The following CYFIP1 variants were observed in gnomAD, a reference collection of about 807,000 sequenced individuals.
CYFIP1 encodes cytoplasmic FMR1 interacting protein 1, also known as cytoplasmic FMR1-interacting protein 1.
In CYFIP1, 58 loss-of-function variants were observed where a neutral mutation model predicts 163.5. That is an observed-to-expected ratio of 0.35 (90% CI 0.29 to 0.44). The LOEUF (loss-of-function observed/expected upper bound fraction) is 0.44. Among genes scored for constraint, CYFIP1 ranks in the 20% least tolerant of loss-of-function variants. The pLI is 1.00. For synonymous variants in CYFIP1, 663 were observed against 660.7 expected (o/e 1.00, Z -0.05); for missense variants, 1,338 against 1,653.8 (o/e 0.81, Z 3.31).
rs1342625858 is a variant in CYFIP1 at position 22,956,868 on chromosome 15, C to A, written c.-6-9577G>T. ...CAGCCAGCCCCTGGCCACGGAGGGA[C>A]CTTGTATTTTACCACATTAGAGGAT... On this transcript the variant is annotated intron_variant, in intron 1 of 30. Transcript: ENST00000617928. Among the ~76,000 whole-genome samples, 6 of 152,224 alleles carry A rather than the reference C, an allele frequency of 3.9e-5. No individual in the cohort carries two copies. The East Asian group carries it at 1.2e-3, about 29-fold the overall frequency.
At chr15:22,873,834 T>C in intron 28 of CYFIP1, 105 bp from the exon 29 acceptor site, 1 of 1,037,116 alleles carries the variant, frequency 9.6e-7, no homozygotes, top group Non-Finnish European at 1.4e-6. Flanking sequence ...CTCTGCTGCC[T>C]AGGCTGGAGT....
At chr15:22,920,389 ATG>A (rs2061134929) in intron 13 of CYFIP1, among the ~76,000 whole-genome samples, 1 of 152,180 alleles carries the variant, frequency 6.6e-6, no homozygotes, top group Admixed American at 6.5e-5. Flanking sequence ...AAGAACACAA[ATG>A]TGTTTCCCCA....
chr15:22,876,929 T>C (rs1545060), intron 26 of CYFIP1, among the ~76,000 whole-genome samples: 114,727 of 151,972 alleles, frequency 0.75, 43,572 homozygotes, highest in South Asian at 0.86. Context: ...CTAAGGGGTC[T>C]CTGACACTAT....
chr15:22,977,527 T>C (rs189995385), intron 1 of CYFIP1, among the ~76,000 whole-genome samples: 11 of 152,280 alleles, frequency 7.2e-5, no homozygotes, highest in African/African-American at 2.4e-4. Flanking sequence ...TAGTTAAAAC[T>C]TCACACTATA....
intron 23 of CYFIP1, among the ~76,000 whole-genome samples, chr15:22,885,017 G>C (rs2059892964): frequency 6.6e-6 from 1 of 152,008 alleles, no homozygotes; most frequent in African/African-American, 2.4e-5. Context: ...GGCAGGCCCT[G>C]GGCCCAGCCA....
intron 9 of CYFIP1, among the ~76,000 whole-genome samples, chr15:22,935,482 G>A (rs1356896099): frequency 6.6e-6 from 1 of 152,176 alleles, no homozygotes; most frequent in Non-Finnish European, 1.5e-5. Flanking sequence ...AGCTAACACA[G>A]CAGAAACGTC....
rs374955915 is a variant in CYFIP1 at position 22,917,809 on chromosome 15, G to A, written c.1653C>T (p.Ala551=). The A allele has an allele frequency of 1.8e-5, 29 of 1,611,506 alleles. No homozygotes were observed. The highest frequency in any genetic ancestry group is 7.7e-5 in the South Asian group (7 of 90,662). Residue 551 remains alanine, a synonymous_variant, in exon 15 of 31, where the codon GCC becomes GCT. Transcript: ENST00000617928. The surrounding 1 kb of genome is among the most constrained non-coding windows in gnomAD (Gnocchi z 4.2). ...SGFDIKVPRR[A]VGPSSTQLYM... ...GAACCTGAGTGCTGGAGGGTCCCAC[G>A]GCGCGGCGTGGTACTTTTATGTCGA...
At chr15:22,882,215 G>A (rs866195345) in intron 24 of CYFIP1, among the ~76,000 whole-genome samples, 1 of 152,224 alleles carries the variant, frequency 6.6e-6, no homozygotes, top group Non-Finnish European at 1.5e-5. Flanking sequence ...GTCGCCAGGT[G>A]TCTCCTATGG....
chr15:22,916,422 G>A, intron 16 of CYFIP1, 55 bp downstream of exon 16: 1 of 1,320,892 alleles, frequency 7.6e-7, no homozygotes, highest in South Asian at 1.3e-5. Context: ...ATTCTAGACG[G>A]TGTTAGTGGT....
At chr15:22,915,011 A>G (rs2060921681) in intron 16 of CYFIP1, 129 bp from the exon 17 acceptor site, 2 of 976,258 alleles carry the variant, frequency 2.0e-6, no homozygotes, top group Non-Finnish European at 2.9e-6. Context: ...CAGCATGGAC[A>G]TGAGTGGGGA....
At position 22,943,308 on chromosome 15, in the gene CYFIP1, T is replaced by C. The variant is rs761759321; in HGVS notation, c.434A>G (p.His145Arg). 6 of 1,614,094 alleles carry C rather than the reference T, an allele frequency of 3.7e-6. No individual in the cohort carries two copies. Among genetic ancestry groups the C allele is most frequent in the African/African-American group, 2.7e-5 (2 of 74,944 alleles). The change falls in exon 6 of 31, where the codon CAT becomes CGT. Residue 145 changes from histidine to arginine, a missense_variant. By Grantham distance (29) the His-to-Arg change is conservative (BLOSUM62 0). Transcript: ENST00000617928. ...CACGAAGTCCTTCCTCCTCTCGGCA[T>C]GGCACAGGCGCCTCACTTCCCCGCA... Reference protein sequence around the residue: ...RFCGEVRRLCHAERRKDFVSE... With the variant: ...RFCGEVRRLCRAERRKDFVSE...
chr15:22,910,708 T>C lies in CYFIP1; in HGVS notation c.2159+29A>G, dbSNP rs750922030. ...TGTCAGATCAAATTATGAAACGTTTTGTATCAAAATCACACACCAGATACT... is the reference window on the plus strand; with the variant it reads ...TGTCAGATCAAATTATGAAACGTTTCGTATCAAAATCACACACCAGATACT... On this transcript the variant is annotated intron_variant, in intron 19 of 30. Transcript: ENST00000617928. The C allele has an allele frequency of 1.1e-5, 17 of 1,608,620 alleles. No homozygotes were observed. The African/African-American group carries it at 2.1e-4, about 20-fold the overall frequency.
intron 22 of CYFIP1, among the ~76,000 whole-genome samples, chr15:22,896,469 A>G (rs1378998224): frequency 1.3e-5 from 2 of 151,930 alleles, no homozygotes; most frequent in African/African-American, 4.8e-5. Context: ...GCATATTAGA[A>G]TCGCTGATGT....
At position 22,977,778 on chromosome 15, in the gene CYFIP1, CCGAGATCACA is replaced by C. The variant is rs779971675; in HGVS notation, c.-7+2499_-7+2508del. Among the ~76,000 whole-genome samples the C allele has an allele frequency of 1.6e-3, 239 of 151,938 alleles. 1 individual carries two copies. Among genetic ancestry groups the C allele is most frequent in the Non-Finnish European group, 3.0e-3 (203 of 67,984 alleles). On this transcript the variant is annotated intron_variant, in intron 1 of 30. Coordinates refer to ENST00000617928, the MANE Select transcript of CYFIP1 (RefSeq NM_014608.6). ...CCCAGGAGGTGGAAGTTGCAGTGAGCCGAGATCACACCATTGCACTCCAGCCTGGGCAACA... is the reference window on the plus strand; with the variant it reads ...CCCAGGAGGTGGAAGTTGCAGTGAGCCCATTGCACTCCAGCCTGGGCAACA...
At chr15:22,946,931 CA>C in intron 3 of CYFIP1, 71 bp downstream of exon 3, 7 of 1,333,316 alleles carry the variant, frequency 5.3e-6, no homozygotes, top group African/African-American at 1.4e-5. Context: ...GGGATAATAC[CA>C]AAAAGTATAC....
At chr15:22,893,481 C>G (rs1595533134) in intron 22 of CYFIP1, among the ~76,000 whole-genome samples, 1 of 152,334 alleles carries the variant, frequency 6.6e-6, no homozygotes, top group East Asian at 1.9e-4. Flanking sequence ...GCAGAAACAT[C>G]AAACTCAGCT....
intron 14 of CYFIP1, 27 bp downstream of exon 14, chr15:22,918,665 C>T (rs986678785): frequency 9.1e-6 from 14 of 1,533,656 alleles, no homozygotes; most frequent in Middle Eastern, 1.8e-4. Context: ...GTGGGCACAG[C>T]GGGCACAGGG....
At position 22,875,214 on chromosome 15, in the gene CYFIP1, G is replaced by A. The variant is rs1404007149; in HGVS notation, c.3100C>T (p.Arg1034Ter). ...HAAPFQNILP[R>*]VHVKEGERLD... Reference sequence around the variant, plus strand: ...GCAGGCTCACCTTTCACATGGACTCGCGGCAAGATGTTCTGGAAAGGAGCC... The same window carrying A: ...GCAGGCTCACCTTTCACATGGACTCACGGCAAGATGTTCTGGAAAGGAGCC... Residue 1034 changes from arginine (R) to a stop codon, truncating the protein, a stop_gained, in exon 27 of 31, where the codon CGA (arginine) becomes TGA (stop). Coordinates refer to ENST00000617928, the MANE Select transcript of CYFIP1 (RefSeq NM_014608.6). LOFTEE classifies it high-confidence loss of function. 2.5e-6 allele frequency: 4 copies of A among 1,613,952 alleles called. No homozygotes were observed. Among genetic ancestry groups the A allele is most frequent in the South Asian group, 1.1e-5 (1 of 91,066 alleles).
intron 17 of CYFIP1, among the ~76,000 whole-genome samples, chr15:22,913,544 A>AAG (rs2060858163): frequency 6.8e-6 from 1 of 147,668 alleles, no homozygotes; most frequent in Non-Finnish European, 1.5e-5. Context: ...AAAAAAAAAA[A>AAG]AAAAAAAGAA....
Sources: gnomAD v4.1 joint callset for allele counts (sites outside exome capture counted in the v4.1 genomes callset) on GRCh38, gnomAD v4.1.1 for gene constraint, Gnocchi (gnomAD v3.1) non-coding constraint, MANE v1.5 for transcripts, NCBI Gene and HGNC (gene_info 2026-07-23, HGNC 2026-07-21) for gene names.